The following ARHGEF3 variants were observed in gnomAD, a reference collection of about 807,000 sequenced individuals.
The protein encoded by ARHGEF3 is Rho guanine nucleotide exchange factor 3.
A neutral mutation model predicts 63.2 loss-of-function variants in ARHGEF3; 28 were observed. The observed-to-expected ratio is 0.44, with a 90% CI of 0.33 to 0.61. The LOEUF is 0.61. Among genes scored for constraint, ARHGEF3 ranks in the 20% least tolerant of loss-of-function variants. ARHGEF3 has a pLI of 0.03. For missense variants in ARHGEF3, 533 were observed against 659.3 expected (o/e 0.81, Z 2.10); for synonymous variants, 266 against 254.2 (o/e 1.05, Z -0.44).
At position 56,727,622 on chromosome 3, in the gene ARHGEF3, A is replaced by G. The variant is rs808; in HGVS notation, c.*1648T>C. On this transcript the variant is annotated 3_prime_UTR_variant, in exon 10 of 10. Transcript: ENST00000296315. The stretch of plus-strand genomic sequence containing the variant: ...GAATCATTCATTCTTTTCTTCACCA[A>G]TAAAGGCTGTTCTTGGCTTTCCTCT... 24,438 of 152,592 alleles carry G rather than the reference A, an allele frequency of 0.16. 2,253 individuals carry two copies. The highest frequency in any genetic ancestry group is 0.28 in the Admixed American group (4,324 of 15,276). 9.5% of individuals were successfully genotyped at this position (152,592 alleles called of 1,614,324 possible). A position where few individuals can be genotyped will look rare whatever the true frequency, so the allele number is the denominator to read the frequency against.
intron 4 of ARHGEF3, among the ~76,000 whole-genome samples, chr3:56,846,910 T>C (rs1439945648): frequency 1.3e-5 from 2 of 152,228 alleles, no homozygotes; most frequent in African/African-American, 4.8e-5. Flanking sequence ...AATTGCATTT[T>C]AACAAGGAAA....
At chr3:56,946,558 G>A (rs1166412915) in intron 3 of ARHGEF3, among the ~76,000 whole-genome samples, 7 of 152,146 alleles carry the variant, frequency 4.6e-5, no homozygotes, top group African/African-American at 7.2e-5. Context: ...GAAATGAAGC[G>A]AGAAGAAAAG....
At chr3:56,952,901 G>A (rs1699875872) in intron 3 of ARHGEF3, among the ~76,000 whole-genome samples, 1 of 152,210 alleles carries the variant, frequency 6.6e-6, no homozygotes, top group South Asian at 2.1e-4. Context: ...TTGAGGACAA[G>A]TAGGTGTCAT....
intron 2 of ARHGEF3, chr3:57,007,454 AG>A: frequency 9.9e-7 from 1 of 1,009,154 alleles, no homozygotes. Context: ...TTGGTCTTCC[AG>A]GTGAAAACAG....
At chr3:56,923,025 A>AATAC (rs2042181977) in intron 3 of ARHGEF3, among the ~76,000 whole-genome samples, 1 of 91,276 alleles carries the variant, frequency 1.1e-5, no homozygotes, top group South Asian at 3.1e-4. Flanking sequence ...ATCTCTACTA[A>AATAC]ATATATATAT....
At chr3:56,916,365 C>T (rs1294122689) in intron 3 of ARHGEF3, 8 of 1,534,222 alleles carry the variant, frequency 5.2e-6, no homozygotes, top group East Asian at 2.5e-5. Context: ...CTCATCCACC[C>T]GGACTCACCG....
At chr3:56,796,007 C>T (rs1355761270) in intron 1 of ARHGEF3, among the ~76,000 whole-genome samples, 1 of 151,700 alleles carries the variant, frequency 6.6e-6, no homozygotes, top group South Asian at 2.1e-4. Flanking sequence ...CAATAGAAAC[C>T]ACTGGCTTTC....
intron 1 of ARHGEF3, among the ~76,000 whole-genome samples, chr3:57,038,853 T>C (rs1036946625): frequency 6.3e-4 from 96 of 152,206 alleles, no homozygotes; most frequent in African/African-American, 2.2e-3. Flanking sequence ...GCCAGGGCCC[T>C]GCAGAAAAGC....
At chr3:56,770,303 G>A (rs556066168) in intron 2 of ARHGEF3, among the ~76,000 whole-genome samples, 6 of 152,122 alleles carry the variant, frequency 3.9e-5, no homozygotes, top group African/African-American at 9.6e-5. Context: ...CCAGCTACTC[G>A]GGAGGCTGAG....
intron 2 of ARHGEF3, among the ~76,000 whole-genome samples, chr3:56,756,672 C>T (rs754152398): frequency 6.6e-6 from 1 of 151,738 alleles, no homozygotes; most frequent in Non-Finnish European, 1.5e-5. Flanking sequence ...GCTTCAGCCT[C>T]CTGAGTAGCT....
intron 2 of ARHGEF3, among the ~76,000 whole-genome samples, chr3:57,010,007 G>T (rs1702618073): frequency 6.6e-6 from 1 of 152,186 alleles, no homozygotes; most frequent in South Asian, 2.1e-4. Flanking sequence ...GGTGGAGCAG[G>T]AACTGGACCA....
chr3:56,961,115 C>T (rs1700260917), intron 2 of ARHGEF3, among the ~76,000 whole-genome samples: 1 of 152,080 alleles, frequency 6.6e-6, no homozygotes, highest in East Asian at 1.9e-4. Context: ...CTCTAAGTCT[C>T]ACAATAATCT....
intron 2 of ARHGEF3, among the ~76,000 whole-genome samples, chr3:56,963,108 G>C (rs1199938622): frequency 6.6e-6 from 1 of 151,918 alleles, no homozygotes; most frequent in Non-Finnish European, 1.5e-5. Context: ...GGGACTTCAA[G>C]CAAGTTCCCT....
intron 7 of ARHGEF3, among the ~76,000 whole-genome samples, chr3:56,738,956 G>A (rs1021513717): frequency 1.3e-5 from 2 of 151,984 alleles, no homozygotes; most frequent in African/African-American, 4.8e-5. Flanking sequence ...TTAGCCAGGC[G>A]AGGTGGTGCC....
chr3:56,833,521 T>G (rs552906216), intron 4 of ARHGEF3, among the ~76,000 whole-genome samples: 1 of 152,092 alleles, frequency 6.6e-6, no homozygotes, highest in Admixed American at 6.5e-5. Flanking sequence ...TCCCTCCATG[T>G]TGTTGTATAT....
intron 3 of ARHGEF3, among the ~76,000 whole-genome samples, chr3:56,955,324 T>C (rs902900529): frequency 2.6e-5 from 4 of 151,880 alleles, no homozygotes; most frequent in Admixed American, 2.6e-4. Context: ...GCTTCCCTGG[T>C]AGCTTGGACT....
intron 3 of ARHGEF3, among the ~76,000 whole-genome samples, chr3:56,906,545 T>C (rs1287516592): frequency 1.3e-5 from 2 of 152,214 alleles, no homozygotes; most frequent in African/African-American, 4.8e-5. Context: ...GTTGAAATGC[T>C]AGTATTTGGG....
intron 3 of ARHGEF3, among the ~76,000 whole-genome samples, chr3:56,927,951 C>A (rs1434579044): frequency 6.6e-5 from 10 of 152,040 alleles, no homozygotes; most frequent in Non-Finnish European, 1.5e-5. Flanking sequence ...ATGAGAAAAC[C>A]TGAGGTTCAG....
At chr3:56,967,916 A>G (rs1448845587) in intron 2 of ARHGEF3, among the ~76,000 whole-genome samples, 1 of 69,672 alleles carries the variant, frequency 1.4e-5, no homozygotes, top group Non-Finnish European at 2.4e-5. Flanking sequence ...ATTATATATA[A>G]TATATTATAT....
Sources: gnomAD v4.1 joint callset for allele counts (sites outside exome capture counted in the v4.1 genomes callset) on GRCh38, gnomAD v4.1.1 for gene constraint, MANE v1.5 for transcripts, NCBI Gene and HGNC (gene_info 2026-07-23, HGNC 2026-07-21) for gene names.